The following MAG variants were observed in gnomAD, a reference collection of about 807,000 sequenced individuals.
MAG encodes myelin associated glycoprotein, also known as myelin-associated glycoprotein.
In MAG, 30 loss-of-function variants were observed where a neutral mutation model predicts 60.7. The ratio of observed to expected loss-of-function variants is 0.49; its 90% CI spans 0.37 to 0.67. MAG has a LOEUF of 0.67. Among genes scored for constraint, MAG ranks in the 30% least tolerant of loss-of-function variants. The probability of loss-of-function intolerance (pLI) is 0.00; values close to 1 mark genes in which losing one functional copy is unlikely to be tolerated. For missense variants in MAG, 795 were observed against 851.7 expected, an observed-to-expected ratio of 0.93 and a Z score of 0.83; for synonymous variants, 384 against 376.8, an observed-to-expected ratio of 1.02 and a Z score of -0.22.
intron 6 of MAG, among the ~76,000 whole-genome samples, chr19:35,301,500 T>C (rs903509079): frequency 7.3e-5 from 11 of 149,890 alleles, no homozygotes; most frequent in African/African-American, 2.7e-4. Flanking sequence ...GGAGCAATCT[T>C]GGCTCACTGC....
intron 4 of MAG, among the ~76,000 whole-genome samples, chr19:35,298,536 C>T (rs879643831): frequency 8.0e-5 from 12 of 150,096 alleles, no homozygotes; most frequent in Admixed American, 4.7e-4. Flanking sequence ...ACACACCATG[C>T]GCTACACACA....
intron 4 of MAG, among the ~76,000 whole-genome samples, chr19:35,296,510 T>C (rs1419427258): frequency 6.6e-6 from 1 of 152,236 alleles, no homozygotes; most frequent in Non-Finnish European, 1.5e-5. Flanking sequence ...TTCTTTGGTG[T>C]AATCTCCTAA....
chr19:35,293,874 G>A lies in MAG; in HGVS notation c.-79-361G>A, dbSNP rs549038509. ...GCGGCAGGAATTCACGCGGCATGTC[G>A]GGAATGCTGATACTGTGAAACCCAG... On this transcript the variant is annotated intron_variant, in intron 1 of 10. Coordinates refer to ENST00000392213, the MANE Select transcript of MAG (RefSeq NM_002361.4). This position sits in a 1 kb window ranked among gnomAD's most constrained non-coding sequence, Gnocchi z 4.0. 6.6e-6 allele frequency among the ~76,000 whole-genome samples: 1 copy of A among 152,052 alleles called. No individual in the cohort carries two copies. The highest frequency in any genetic ancestry group is 2.4e-5 in the African/African-American group (1 of 41,378).
At chr19:35,302,890 T>C (rs2066459097) in intron 7 of MAG, among the ~76,000 whole-genome samples, 182 bp downstream of exon 7, 1 of 150,792 alleles carries the variant, frequency 6.6e-6, no homozygotes, top group South Asian at 2.1e-4. Flanking sequence ...GAGAATATTG[T>C]GTTCCCACAT....
intron 1 of MAG, 37 bp from the exon 2 acceptor site, chr19:35,294,198 C>T (rs1036946800): frequency 2.2e-5 from 9 of 405,778 alleles, no homozygotes; most frequent in African/African-American, 1.5e-4. Flanking sequence ...GCCTCAATCC[C>T]GCCCCCTTGC....
At chr19:35,302,159 GA>G (rs1356398073) in intron 6 of MAG, among the ~76,000 whole-genome samples, 6 of 152,188 alleles carry the variant, frequency 3.9e-5, no homozygotes, top group Non-Finnish European at 8.8e-5. Context: ...TATGAGGTTG[GA>G]ACTATTATGA....
chr19:35,305,460 G>T (rs1015909459), intron 7 of MAG, among the ~76,000 whole-genome samples: 4 of 152,174 alleles, frequency 2.6e-5, no homozygotes, highest in African/African-American at 9.7e-5. Context: ...TGATTGAGGG[G>T]AGGGTACCAT....
intron 1 of MAG, among the ~76,000 whole-genome samples, chr19:35,292,579 A>G (rs986132597): frequency 6.6e-6 from 1 of 151,942 alleles, no homozygotes; most frequent in Non-Finnish European, 1.5e-5. Context: ...GCAGGCTGCA[A>G]TCTGGGAGGT....
intron 1 of MAG, among the ~76,000 whole-genome samples, 166 bp from the exon 2 acceptor site, chr19:35,294,069 C>A (rs1450534053): frequency 6.6e-6 from 1 of 151,670 alleles, no homozygotes; most frequent in Non-Finnish European, 1.5e-5. Context: ...GGAGTTGTTG[C>A]CAGAGAGTGG....
intron 10 of MAG, chr19:35,312,556 A>G: frequency 2.2e-6 from 1 of 446,540 alleles, no homozygotes; most frequent in Non-Finnish European, 4.1e-6. Flanking sequence ...AGGGGTGGGA[A>G]GCGTGGGGGG....
intron 4 of MAG, among the ~76,000 whole-genome samples, chr19:35,297,220 C>T (rs1181011011): frequency 1.6e-5 from 2 of 122,404 alleles, no homozygotes; most frequent in South Asian, 5.5e-4. Context: ...CACACCACAC[C>T]AAGCACACAC....
At chr19:35,300,722 G>A (rs901516044) in intron 6 of MAG, among the ~76,000 whole-genome samples, 3 of 152,154 alleles carry the variant, frequency 2.0e-5, no homozygotes, top group African/African-American at 7.2e-5. Flanking sequence ...CCAGGAATCT[G>A]CGTTTTACTT....
intron 4 of MAG, among the ~76,000 whole-genome samples, chr19:35,296,812 A>C (rs1251413571): frequency 6.6e-6 from 1 of 151,772 alleles, no homozygotes; most frequent in Non-Finnish European, 1.5e-5. Context: ...CACACTACCC[A>C]CACACCACAC....
At position 35,295,278 on chromosome 19, in the gene MAG, T is replaced by G; in HGVS notation, c.-23-108T>G. The G allele has an allele frequency of 1.2e-6, 1 of 848,590 alleles. No homozygotes were observed. Among genetic ancestry groups the G allele is most frequent in the Non-Finnish European group, 1.9e-6 (1 of 538,046 alleles). 52.6% of individuals were successfully genotyped at this position (848,590 alleles called of 1,614,324 possible). A position where few individuals can be genotyped will look rare whatever the true frequency, so the allele number is the denominator to read the frequency against. ...ATAAGTAAATAAATGCATAAATAAA[T>G]AATAATAGCAGCAGCAGCTAACATA... On this transcript the variant is annotated intron_variant, in intron 2 of 10. Transcript: ENST00000392213. This position sits in a 1 kb window ranked among gnomAD's most constrained non-coding sequence, Gnocchi z 5.8.
intron 4 of MAG, among the ~76,000 whole-genome samples, chr19:35,298,681 G>A (rs569815934): frequency 5.9e-5 from 6 of 101,692 alleles, no homozygotes; most frequent in African/African-American, 1.2e-4. Flanking sequence ...ACCACACACC[G>A]CATACACACC....
intron 5 of MAG, 104 bp downstream of exon 5, chr19:35,299,954 G>T: frequency 7.9e-7 from 1 of 1,268,822 alleles, no homozygotes; most frequent in Non-Finnish European, 1.0e-6. Flanking sequence ...GCCGTGATGG[G>T]GGCGGGGCCA....
rs760841895 is a variant in MAG, at chr19:35,300,208, C to T, written c.774C>T (p.Ser258=). The change falls in exon 6 of 11, where the codon AGC becomes AGT. Residue 258 remains serine, a synonymous_variant. Coordinates refer to ENST00000392213, the MANE Select transcript of MAG (RefSeq NM_002361.4). ...SVEAIEGSHV[S]LLCGADSNPP... ...AGGCCATCGAGGGCTCCCACGTGAG[C>T]CTGCTCTGTGGGGCTGACAGCAACC... The T allele has an allele frequency of 1.9e-6, 3 of 1,580,804 alleles. No individual in the cohort carries two copies. Among genetic ancestry groups the T allele is most frequent in the African/African-American group, 1.3e-5 (1 of 74,360 alleles).
In MAG at chr19:35,308,468, C is replaced by A. The variant is rs2269756; in HGVS notation, c.1232-1406C>A. 5.5e-3 allele frequency among the ~76,000 whole-genome samples: 841 copies of A among 152,254 alleles called. 33 individuals carry two copies. In the East Asian group the frequency reaches 0.11, roughly 20 times the overall value. ...ATTTTGGGCTGGGCACAGTGGCTTG[C>A]GCCTTATAATCCCAGCACTTTGGGA... On this transcript the variant is annotated intron_variant, in intron 7 of 10. Coordinates refer to ENST00000392213, the MANE Select transcript of MAG (RefSeq NM_002361.4).
chr19:35,313,513 G>A lies in MAG; in HGVS notation c.*59G>A. ...CTCAGGACCCTCGCTGGCCCCCACT[G>A]GCTGTGGGCTCCCTTCCTCCCAAAA... On this transcript the variant is annotated 3_prime_UTR_variant, in exon 11 of 11. Transcript: ENST00000392213. The A allele has an allele frequency of 1.3e-6, 2 of 1,486,654 alleles. No homozygotes were observed. The highest frequency in any genetic ancestry group is 2.6e-5 in the South Asian group (2 of 77,920). 92.1% of individuals were successfully genotyped at this position (1,486,654 alleles called of 1,614,324 possible).
Sources: gnomAD v4.1 joint callset for allele counts (sites outside exome capture counted in the v4.1 genomes callset) on GRCh38, gnomAD v4.1.1 for gene constraint, Gnocchi (gnomAD v3.1) non-coding constraint, MANE v1.5 for transcripts, NCBI Gene and HGNC (gene_info 2026-07-23, HGNC 2026-07-21) for gene names.